MORC1: variants seen among roughly 807,000 people sequenced by gnomAD.
MORC1 encodes MORC family CW-type zinc finger 1.
A neutral mutation model predicts 134.9 loss-of-function variants in MORC1; 59 were observed. That is an observed-to-expected ratio of 0.44 (90% CI 0.35 to 0.54). MORC1 has a LOEUF of 0.54. Among genes scored for constraint, MORC1 ranks in the 20% least tolerant of loss-of-function variants. MORC1 has a pLI of 0.00. For missense variants in MORC1, 947 were observed against 1,134.5 expected (o/e 0.83, Z 2.37); for synonymous variants, 395 against 391.7 (o/e 1.01, Z -0.10).
At chr3:109,026,723 T>C (rs570195036) in intron 17 of MORC1, among the ~76,000 whole-genome samples, 88 of 152,344 alleles carry the variant, frequency 5.8e-4, no homozygotes, top group African/African-American at 2.0e-3. Flanking sequence ...TATTTCTGAC[T>C]TTTGTCTGAC....
At chr3:109,021,505 G>T (rs113590553) in intron 17 of MORC1, among the ~76,000 whole-genome samples, 2 of 152,252 alleles carry the variant, frequency 1.3e-5, no homozygotes, top group African/African-American at 4.8e-5. Flanking sequence ...GTTCCCTCTG[G>T]ACTCAAACTC....
At chr3:109,004,771 T>C (rs1948496769) in intron 20 of MORC1, 46 bp downstream of exon 20, 6 of 1,537,882 alleles carry the variant, frequency 3.9e-6, no homozygotes, top group South Asian at 2.3e-5. Flanking sequence ...GTTTATCCTA[T>C]ATGAATATTT....
chr3:109,076,156 A>G (rs1052613367), intron 8 of MORC1, among the ~76,000 whole-genome samples: 1 of 152,262 alleles, frequency 6.6e-6, no homozygotes, highest in African/African-American at 2.4e-5. Flanking sequence ...AACCCCATCA[A>G]AAAGTGGGCA....
chr3:109,100,655 C>G, intron 4 of MORC1, 148 bp from the exon 5 acceptor site: 1 of 647,250 alleles, frequency 1.5e-6, no homozygotes. Context: ...TCATCAGAAT[C>G]CACAGTCTCT....
chr3:108,981,746 T>C (rs1947729548), intron 23 of MORC1, among the ~76,000 whole-genome samples: 1 of 152,230 alleles, frequency 6.6e-6, no homozygotes, highest in Non-Finnish European at 1.5e-5. Context: ...ATCATCTTTA[T>C]CATCACCATC....
intron 3 of MORC1, among the ~76,000 whole-genome samples, chr3:109,104,366 A>C (rs558885483): frequency 6.6e-6 from 1 of 152,316 alleles, no homozygotes; most frequent in African/African-American, 2.4e-5. Flanking sequence ...CTCCCTTCTA[A>C]GTAGTTAATT....
At chr3:109,090,178 C>CT (rs760203741) in intron 8 of MORC1, among the ~76,000 whole-genome samples, 18 of 152,214 alleles carry the variant, frequency 1.2e-4, no homozygotes, top group Non-Finnish European at 2.1e-4. Flanking sequence ...CAGGCCACCA[C>CT]TGTTCATGTG....
intron 14 of MORC1, among the ~76,000 whole-genome samples, chr3:109,042,371 A>G (rs548340170): frequency 6.6e-6 from 1 of 152,318 alleles, no homozygotes; most frequent in Admixed American, 6.5e-5. Context: ...ATACAAATTA[A>G]AACCACAGGG....
At chr3:109,088,640 A>G (rs902365018) in intron 8 of MORC1, among the ~76,000 whole-genome samples, 1 of 152,134 alleles carries the variant, frequency 6.6e-6, no homozygotes, top group Non-Finnish European at 1.5e-5. Flanking sequence ...ACCATTGTGG[A>G]AAGTACTATG....
At chr3:109,020,576 C>T (rs1275479835) in intron 17 of MORC1, among the ~76,000 whole-genome samples, 1 of 152,058 alleles carries the variant, frequency 6.6e-6, no homozygotes, top group Non-Finnish European at 1.5e-5. Context: ...ACCATCCTGG[C>T]TAACACGGTG....
intron 8 of MORC1, among the ~76,000 whole-genome samples, chr3:109,085,410 T>C (rs1032126915): frequency 6.6e-6 from 1 of 152,040 alleles, no homozygotes; most frequent in Admixed American, 6.6e-5. Flanking sequence ...AACAACTCAA[T>C]GGCAAAATAC....
In MORC1 at chr3:108,986,890, A is replaced by T. The variant is rs114067906; in HGVS notation, c.2247T>A (p.Leu749=). ...CTGATTTTTTTTTACCTTGGTTTAA[A>T]AGAGGAATTTCCTTTTTTTCTTGTT... The part of the protein sequence containing the change: ...SLKQEKKEIP[L]LNQEKQELCN... Residue 749 remains leucine (L), a synonymous_variant, in exon 22 of 28, where the codon CTT becomes CTA. Transcript: ENST00000232603. 6,491 of 1,566,600 alleles carry T rather than the reference A, an allele frequency of 4.1e-3. 18 individuals carry two copies. The highest frequency in any genetic ancestry group is 4.8e-3 in the Non-Finnish European group (5,622 of 1,159,296).
chr3:109,101,225 G>T (rs1199384721), intron 4 of MORC1, among the ~76,000 whole-genome samples: 1 of 152,214 alleles, frequency 6.6e-6, no homozygotes, highest in African/African-American at 2.4e-5. Flanking sequence ...AATTACAAGT[G>T]TTATAATTAC....
intron 17 of MORC1, among the ~76,000 whole-genome samples, chr3:109,011,306 T>C (rs1050314803): frequency 6.6e-6 from 1 of 152,228 alleles, no homozygotes; most frequent in Non-Finnish European, 1.5e-5. Context: ...CTCTCTATCC[T>C]AGGTCAACAT....
intron 26 of MORC1, among the ~76,000 whole-genome samples, chr3:108,968,701 G>T (rs565131079): frequency 6.6e-6 from 1 of 152,320 alleles, no homozygotes; most frequent in South Asian, 2.1e-4. Flanking sequence ...TTATATGAGA[G>T]CTTTCTAAAG....
chr3:109,090,782 C>T (rs1451932867), intron 8 of MORC1, among the ~76,000 whole-genome samples: 2 of 151,972 alleles, frequency 1.3e-5, no homozygotes, highest in Non-Finnish European at 2.9e-5. Flanking sequence ...CAGCAGGACT[C>T]TAATATCTAA....
intron 8 of MORC1, among the ~76,000 whole-genome samples, chr3:109,070,112 G>T (rs977180960): frequency 6.6e-6 from 1 of 152,056 alleles, no homozygotes; most frequent in Non-Finnish European, 1.5e-5. Context: ...ACAATCCCTC[G>T]TTCAAACATA....
intron 17 of MORC1, among the ~76,000 whole-genome samples, chr3:109,015,141 C>T (rs1394739768): frequency 6.6e-6 from 1 of 152,154 alleles, no homozygotes; most frequent in Non-Finnish European, 1.5e-5. Context: ...TCCTTTGCCT[C>T]CCAAAGTGCT....
chr3:109,003,726 A>C (rs1365157646), intron 20 of MORC1, among the ~76,000 whole-genome samples: 2 of 152,218 alleles, frequency 1.3e-5, no homozygotes, highest in East Asian at 1.9e-4. Context: ...ATCAACAAAA[A>C]ACCTGAAATT....
Sources: allele counts gnomAD v4.1 joint callset (sites outside exome capture counted in the v4.1 genomes callset), GRCh38; gene constraint gnomAD v4.1.1; transcripts MANE v1.5; gene names NCBI Gene and HGNC (gene_info 2026-07-23, HGNC 2026-07-21).